BICD2: variants seen among roughly 807,000 people sequenced by gnomAD.
BICD2 encodes the protein protein bicaudal D homolog 2.
BICD2 carries 25 observed loss-of-function variants against 72.9 expected under a neutral mutation model. The ratio of observed to expected loss-of-function variants is 0.34; its 90% CI spans 0.25 to 0.48. The LOEUF (loss-of-function observed/expected upper bound fraction) is 0.48. Ranked by LOEUF, BICD2 falls within the 20% of genes least tolerant of loss-of-function variation. BICD2 has a pLI of 0.99. For missense variants in BICD2, 894 were observed against 1,175.2 expected, an observed-to-expected ratio of 0.76 and a Z score of 3.50; for synonymous variants, 501 against 516.1, an observed-to-expected ratio of 0.97 and a Z score of 0.40.
chr9:92,744,937 T>C (rs1484785518), intron 1 of BICD2, among the ~76,000 whole-genome samples: 1 of 152,188 alleles, frequency 6.6e-6, no homozygotes, highest in African/African-American at 2.4e-5. Flanking sequence ...TTAAAATCTA[T>C]ACATTTTACT....
intron 1 of BICD2, among the ~76,000 whole-genome samples, chr9:92,751,606 T>C (rs1244081844): frequency 6.6e-6 from 1 of 152,194 alleles, no homozygotes; most frequent in Non-Finnish European, 1.5e-5. Flanking sequence ...ACAATTAAGT[T>C]ACTGGATGGT....
In BICD2 at chr9:92,719,154, C is replaced by T. The variant is rs761926262; in HGVS notation, c.1491G>A (p.Glu497=). The part of the protein sequence containing the change: ...LLEKASRQDR[E]LLARLEKELK... The stretch of plus-strand genomic sequence containing the variant: ...GCTCCTTCTCCAGCCGGGCCAGCAG[C>T]TCGCGGTCCTGGCGGCTGGCCTTCT... Residue 497 remains glutamate (E), a synonymous_variant, in exon 5 of 7, where the codon GAG becomes GAA. Coordinates refer to ENST00000356884, the MANE Select transcript of BICD2 (RefSeq NM_001003800.2). The T allele has an allele frequency of 4.3e-6, 7 of 1,611,608 alleles. No homozygotes were observed. In the African/African-American group the frequency reaches 6.7e-5, roughly 15 times the overall value.
At chr9:92,731,942 T>A (rs1207450926) in intron 1 of BICD2, among the ~76,000 whole-genome samples, 1 of 152,236 alleles carries the variant, frequency 6.6e-6, no homozygotes, top group Non-Finnish European at 1.5e-5. Context: ...TCTGCTCTGA[T>A]ACCACAGAGC....
rs776152202 is a variant in BICD2 at position 92,717,885 on chromosome 9, C to T, written c.2170G>A (p.Glu724Lys). The change falls in exon 6 of 7, where the codon GAG becomes AAG. Residue 724 changes from glutamate to lysine, a missense_variant. Glu to Lys is a moderately conservative substitution (Grantham distance 56, BLOSUM62 1). Around this residue, in one of 5 missense-constraint regions of BICD2, gnomAD observed 321 missense variants for 443.9 expected, o/e 0.72. Transcript: ENST00000356884. Reference protein sequence around the residue: ...KYENEKAMVTETMMKLRNELK... With the variant: ...KYENEKAMVTKTMMKLRNELK... ...TCATTGCGCAGCTTCATCATGGTCT[C>T]GGTAACCATGGCCTTCTCATTCTCA... is the stretch of plus-strand genomic sequence containing the variant. 1.9e-6 allele frequency: 3 copies of T among 1,613,508 alleles called. No individual in the cohort carries two copies. Among genetic ancestry groups the T allele is most frequent in the Admixed American group, 3.3e-5 (2 of 60,018 alleles).
At chr9:92,716,309 C>T (rs1201913425) in intron 6 of BICD2, among the ~76,000 whole-genome samples, 1 of 152,150 alleles carries the variant, frequency 6.6e-6, no homozygotes, top group African/African-American at 2.4e-5. Context: ...ATCTTGGCTC[C>T]ATCTGAAAAG....
In BICD2 at chr9:92,714,525, A is replaced by G. The variant is rs753783033; in HGVS notation, c.*629T>C. The G allele has an allele frequency of 1.4e-5, 14 of 985,512 alleles. No homozygotes were observed. Among genetic ancestry groups the G allele is most frequent in the African/African-American group, 1.7e-5 (1 of 57,364 alleles). The allele number at this position is 985,512 out of a possible 1,614,324, so 61.0% of individuals were successfully genotyped here. A position where few individuals can be genotyped will look rare whatever the true frequency, so the allele number is the denominator to read the frequency against. ...GGTTATGGTCAGCTGTGTCTGTGCC[A>G]TGTGTGTCTGGCCAGCAGAATACAG... On this transcript the variant is annotated 3_prime_UTR_variant, in exon 7 of 7. Coordinates refer to ENST00000356884, the MANE Select transcript of BICD2 (RefSeq NM_001003800.2).
intron 1 of BICD2, 118 bp from the exon 2 acceptor site, chr9:92,729,354 G>T: frequency 9.1e-7 from 1 of 1,097,586 alleles, no homozygotes. Flanking sequence ...CGGGGACTGT[G>T]GGCCTGAAGG....
At chr9:92,742,664 T>C (rs925226352) in intron 1 of BICD2, among the ~76,000 whole-genome samples, 5 of 152,100 alleles carry the variant, frequency 3.3e-5, no homozygotes, top group Admixed American at 3.3e-4. Flanking sequence ...ATTACAGGCG[T>C]GAGCCACTGT....
At position 92,714,721 on chromosome 9, in the gene BICD2, T is replaced by C. The variant is rs1290857713; in HGVS notation, c.*433A>G. On this transcript the variant is annotated 3_prime_UTR_variant, in exon 7 of 7. Coordinates refer to ENST00000356884, the MANE Select transcript of BICD2 (RefSeq NM_001003800.2). ...ACCTATGCTGCAGGCTGGAACCTCC[T>C]AAAACTGCTTTCTAGTGCTGACATT... is the stretch of plus-strand genomic sequence containing the variant. 1 of 995,904 alleles carries C rather than the reference T, an allele frequency of 1.0e-6. No homozygotes were observed. Among genetic ancestry groups the C allele is most frequent in the African/African-American group, 1.7e-5 (1 of 57,658 alleles). 61.7% of individuals were successfully genotyped at this position (995,904 alleles called of 1,614,324 possible).
At position 92,720,372 on chromosome 9, in the gene BICD2, G is replaced by A. The variant is rs371444272; in HGVS notation, c.990C>T (p.Pro330=). 1.5e-5 allele frequency: 25 copies of A among 1,613,864 alleles called. No homozygotes were observed. In the East Asian group the frequency reaches 3.8e-4, roughly 24 times the overall value. ...CACTGAGTAGGTCGGAGACGAGGCT[G>A]GGGGAGGGCGGTGCGAGGCCCTCCT... is the stretch of plus-strand genomic sequence containing the variant. ...PKKEGLAPPS[P]SLVSDLLSEL... The change falls in exon 4 of 7, where the codon CCC becomes CCT. Residue 330 remains proline, a synonymous_variant. Transcript: ENST00000356884. The surrounding 1 kb of genome is among the most constrained non-coding windows in gnomAD (Gnocchi z 5.4).
intron 2 of BICD2, among the ~76,000 whole-genome samples, chr9:92,726,377 G>C (rs1853567889): frequency 6.6e-6 from 1 of 152,172 alleles, no homozygotes; most frequent in Non-Finnish European, 1.5e-5. Flanking sequence ...GTTGTGGGTA[G>C]CAGGGTGGTG....
intron 1 of BICD2, among the ~76,000 whole-genome samples, chr9:92,742,126 T>C (rs768375292): frequency 6.6e-6 from 1 of 152,192 alleles, no homozygotes; most frequent in Non-Finnish European, 1.5e-5. Context: ...GTCATGTAGA[T>C]TCATGTGATA....
chr9:92,760,059 C>A (rs1854339831), intron 1 of BICD2, among the ~76,000 whole-genome samples: 3 of 152,284 alleles, frequency 2.0e-5, no homozygotes, highest in Admixed American at 2.0e-4. Flanking sequence ...TAACCTATCA[C>A]GGCCCAGACA....
At chr9:92,718,268 C>A (rs1564059309) in intron 5 of BICD2, among the ~76,000 whole-genome samples, 1 of 152,332 alleles carries the variant, frequency 6.6e-6, no homozygotes, top group South Asian at 2.1e-4. Context: ...GGAAGCACTA[C>A]GAGGCAGTCA....
chr9:92,734,307 T>G (rs1853733540), intron 1 of BICD2, among the ~76,000 whole-genome samples: 1 of 151,304 alleles, frequency 6.6e-6, no homozygotes, highest in African/African-American at 2.4e-5. Flanking sequence ...AGGCCAGGAG[T>G]TCGAGACCAT....
intron 1 of BICD2, among the ~76,000 whole-genome samples, chr9:92,734,879 G>A (rs1263920746): frequency 4.6e-5 from 7 of 152,114 alleles, no homozygotes; most frequent in Admixed American, 1.3e-4. Flanking sequence ...CATCCCACCC[G>A]TGCCCACAAC....
At chr9:92,730,501 G>A (rs1853658714) in intron 1 of BICD2, among the ~76,000 whole-genome samples, 1 of 152,216 alleles carries the variant, frequency 6.6e-6, no homozygotes, top group Admixed American at 6.5e-5. Context: ...AAAGAAACCA[G>A]GGTCTAGTCT....
chr9:92,721,091 G>A (rs1355989723), intron 3 of BICD2, among the ~76,000 whole-genome samples: 1 of 152,218 alleles, frequency 6.6e-6, no homozygotes, highest in East Asian at 1.9e-4. Flanking sequence ...GTGTGGAGAT[G>A]CACCAAGAAC....
Position 92,729,052 on chromosome 9 carries a change from A to T in BICD2, c.425T>A (p.Leu142Gln). 1 of 1,614,230 alleles carries T rather than the reference A, an allele frequency of 6.2e-7. No homozygotes were observed. The highest frequency in any genetic ancestry group is 8.5e-7 in the Non-Finnish European group (1 of 1,180,034). Residue 142 changes from leucine to glutamine, a missense_variant, in exon 2 of 7, where the codon CTG becomes CAG. Leu to Gln is a moderately radical substitution (Grantham distance 113). This residue lies in a region of BICD2 where 192 missense variants were observed against 243.6 expected (regional missense o/e 0.79). Transcript: ENST00000356884. ...CTTCAGCTCCTGGGCCACAGAGGCC[A>T]GGCGCTCATTCTCCGACTGCGTGTT... ...LTNTQSENER[L>Q]ASVAQELKEI...
Sources: gnomAD v4.1 joint callset for allele counts (sites outside exome capture counted in the v4.1 genomes callset) on GRCh38, gnomAD v4.1.1 for gene constraint, gnomAD v4.1.1 regional missense constraint, Gnocchi (gnomAD v3.1) non-coding constraint, MANE v1.5 for transcripts, NCBI Gene and HGNC (gene_info 2026-07-23, HGNC 2026-07-21) for gene names.